SVIL: variants seen among roughly 807,000 people sequenced by gnomAD.
The protein encoded by SVIL is supervillin.
In SVIL, 101 loss-of-function variants were observed where a neutral mutation model predicts 240.4. The ratio of observed to expected loss-of-function variants is 0.42; its 90% CI spans 0.36 to 0.50. The LOEUF (loss-of-function observed/expected upper bound fraction) is 0.50, where lower values mean the gene tolerates loss of function less well. Ranked by LOEUF, SVIL falls within the 20% of genes least tolerant of loss-of-function variation. SVIL has a pLI of 0.01. For missense variants in SVIL, 2,512 were observed against 2,818.7 expected (o/e 0.89, Z 2.46); for synonymous variants, 999 against 1,100.0 (o/e 0.91, Z 1.82).
intron 1 of SVIL, among the ~76,000 whole-genome samples, chr10:29,594,407 C>T (rs762473198): frequency 5.3e-5 from 8 of 152,066 alleles, no homozygotes; most frequent in Admixed American, 3.9e-4. Flanking sequence ...CCTAATTAAA[C>T]TGTGGACTCT....
intron 21 of SVIL, among the ~76,000 whole-genome samples, chr10:29,492,870 G>A (rs1488055015): frequency 1.3e-5 from 2 of 152,210 alleles, no homozygotes; most frequent in Non-Finnish European, 2.9e-5. Flanking sequence ...AAAGACAGGC[G>A]TTGAACTCTC....
chr10:29,684,282 G>T (rs1477323979), intron 2 of SVIL, among the ~76,000 whole-genome samples: 1 of 152,144 alleles, frequency 6.6e-6, no homozygotes, highest in Non-Finnish European at 1.5e-5. Context: ...TTTTGCCAAG[G>T]TTATGGATCA....
At chr10:29,526,223 G>A (rs936375060) in intron 13 of SVIL, among the ~76,000 whole-genome samples, 10 of 151,478 alleles carry the variant, frequency 6.6e-5, no homozygotes, top group African/African-American at 1.9e-4. Flanking sequence ...ACAGGTGTTT[G>A]AAAAAGACTG....
At chr10:29,577,093 A>C (rs1458201064) in intron 1 of SVIL, among the ~76,000 whole-genome samples, 1 of 152,008 alleles carries the variant, frequency 6.6e-6, no homozygotes, top group Non-Finnish European at 1.5e-5. Context: ...GTTGACCAGG[A>C]GGGTCTCGAT....
chr10:29,615,447 G>GT lies in SVIL; in HGVS notation c.-201+18972dup, dbSNP rs749923719. Among the ~76,000 whole-genome samples the GT allele has an allele frequency of 2.6e-5, 4 of 152,326 alleles. No homozygotes were observed. In the East Asian group the frequency reaches 5.8e-4, roughly 22 times the overall value. ...TTCAATTTTGTTGGCAGTAACTTCT[G>GT]TGTTTAATTACTCATTGTGTTAAAA... On this transcript the variant is annotated intron_variant, in intron 1 of 37. Coordinates refer to ENST00000355867, the MANE Select transcript of SVIL (RefSeq NM_021738.3).
In SVIL at chr10:29,550,888, G is replaced by A. The variant is rs1411911697; in HGVS notation, c.536C>T (p.Ala179Val). ...GAGGGCATAGTCCTTGGATTCACCG[G>A]CACAGGTCCTGAGCCCCATCGTCTC... ...GTETMGLRTC[A>V]GESKDYALHV... The change falls in exon 6 of 38, where the codon GCC (alanine) becomes GTC (valine). Residue 179 changes from alanine (A) to valine (V), a missense_variant. This residue lies in a region of SVIL where 1,443 missense variants were observed against 1,486.6 expected (regional missense o/e 0.97). Coordinates refer to ENST00000355867, the MANE Select transcript of SVIL (RefSeq NM_021738.3). The A allele has an allele frequency of 6.2e-7, 1 of 1,614,044 alleles. No homozygotes were observed. Among genetic ancestry groups the A allele is most frequent in the Non-Finnish European group, 8.5e-7 (1 of 1,179,994 alleles).
At chr10:29,643,705 G>A (rs184822467) in intron 3 of SVIL, among the ~76,000 whole-genome samples, 85 of 152,108 alleles carry the variant, frequency 5.6e-4, no homozygotes, top group African/African-American at 1.8e-3. Context: ...GTCTGGTCTC[G>A]CTTTTTCTCA....
chr10:29,473,868 C>T lies in SVIL; in HGVS notation c.5499G>A (p.Thr1833=), dbSNP rs1588865960. 18 of 1,613,862 alleles carry T rather than the reference C, an allele frequency of 1.1e-5. No homozygotes were observed. The highest frequency in any genetic ancestry group is 6.7e-5 in the East Asian group (3 of 44,864). ...VSEKGTSALM[T]VELDEERGAQ... Reference sequence around the variant, plus strand: ...CCCCCCTTTCCTCGTCCAGCTCCACCGTCATCAGCGCCGACGTGCCCTTCT... The same window carrying T: ...CCCCCCTTTCCTCGTCCAGCTCCACTGTCATCAGCGCCGACGTGCCCTTCT... The change falls in exon 30 of 38, where the codon ACG becomes ACA. Residue 1833 remains threonine, a synonymous_variant. Transcript: ENST00000355867.
chr10:29,607,423 A>G (rs769802595), intron 1 of SVIL, among the ~76,000 whole-genome samples: 1 of 152,178 alleles, frequency 6.6e-6, no homozygotes, highest in Non-Finnish European at 1.5e-5. Context: ...TAAATTGAGA[A>G]TGTGTAAAAT....
chr10:29,458,199 A>G lies in SVIL; in HGVS notation c.*48T>C, dbSNP rs2132252486. 2 of 1,561,010 alleles carry G rather than the reference A, an allele frequency of 1.3e-6. No individual in the cohort carries two copies. The highest frequency in any genetic ancestry group is 8.8e-7 in the Non-Finnish European group (1 of 1,137,002). On this transcript the variant is annotated 3_prime_UTR_variant, in exon 38 of 38. Transcript: ENST00000355867. ...AAATATATATCCATTTCCCTGGTGCAGTGGTGTTGTTGGACGTGACCGTGA... is the reference window on the plus strand; with the variant it reads ...AAATATATATCCATTTCCCTGGTGCGGTGGTGTTGTTGGACGTGACCGTGA...
intron 1 of SVIL, among the ~76,000 whole-genome samples, chr10:29,705,651 C>A (rs115383493): frequency 0.01 from 1,593 of 152,200 alleles, 23 homozygotes; most frequent in African/African-American, 0.037. Flanking sequence ...CCGCAACCCC[C>A]GAAAGGCCCC....
At chr10:29,686,145 T>G (rs1961051553) in intron 2 of SVIL, among the ~76,000 whole-genome samples, 1 of 152,218 alleles carries the variant, frequency 6.6e-6, no homozygotes, top group Admixed American at 6.5e-5. Context: ...AAAAATAAAC[T>G]GATACTTTCA....
intron 1 of SVIL, among the ~76,000 whole-genome samples, chr10:29,691,277 T>C (rs185085359): frequency 0.015 from 2,282 of 151,672 alleles, 39 homozygotes; most frequent in East Asian, 0.094. Flanking sequence ...AGTGGTGCGA[T>C]CTCGGCTCAC....
chr10:29,558,946 TAA>T lies in SVIL; in HGVS notation c.-50-3840_-50-3839del, dbSNP rs1162392752. On this transcript the variant is annotated intron_variant, in intron 3 of 37. Transcript: ENST00000355867. The stretch of plus-strand genomic sequence containing the variant: ...CTGCCTCGAAATATATATATATATA[TAA>T]AAAATATGGTTTATATTATATATTT... Among the ~76,000 whole-genome samples the T allele has an allele frequency of 9.8e-3, 1,395 of 141,814 alleles. 27 individuals carry two copies. Among genetic ancestry groups the T allele is most frequent in the South Asian group, 0.057 (260 of 4,526 alleles). The allele number at this position is 141,814 out of a possible 152,430, so 93.0% of individuals were successfully genotyped here.
Position 29,484,935 on chromosome 10 carries a change from C to T in SVIL, c.4780-104G>A. 1 of 1,272,326 alleles carries T rather than the reference C, an allele frequency of 7.9e-7. No homozygotes were observed. Among genetic ancestry groups the T allele is most frequent in the African/African-American group, 1.5e-5 (1 of 65,928 alleles). The allele number at this position is 1,272,326 out of a possible 1,614,324, so 78.8% of individuals were successfully genotyped here. On this transcript the variant is annotated intron_variant, in intron 26 of 37. Coordinates refer to ENST00000355867, the MANE Select transcript of SVIL (RefSeq NM_021738.3). This position sits in a 1 kb window ranked among gnomAD's most constrained non-coding sequence, Gnocchi z 4.7. Reference sequence around the variant, plus strand: ...TGACAGTGAGTCAAACGGAGGAAGACAGAAATCCTAACGGGGCGACCAACA... The same window carrying T: ...TGACAGTGAGTCAAACGGAGGAAGATAGAAATCCTAACGGGGCGACCAACA...
chr10:29,661,277 A>G (rs1184682123), intron 2 of SVIL, among the ~76,000 whole-genome samples: 1 of 152,212 alleles, frequency 6.6e-6, no homozygotes, highest in Non-Finnish European at 1.5e-5. Context: ...TTCAGAATAT[A>G]TTGACAGGAA....
intron 1 of SVIL, among the ~76,000 whole-genome samples, chr10:29,618,132 G>A (rs981877902): frequency 4.6e-5 from 7 of 152,158 alleles, no homozygotes; most frequent in East Asian, 3.9e-4. Flanking sequence ...CTGGGGAGGC[G>A]GGCTAATCCT....
upstream of SVIL, among the ~76,000 whole-genome samples, chr10:29,635,939 G>A (rs1056109657): frequency 6.6e-6 from 1 of 152,146 alleles, no homozygotes; most frequent in Non-Finnish European, 1.5e-5. Context: ...AGCACAGGAG[G>A]CCTCTCAAAG....
chr10:29,517,132 C>T (rs1251817173), intron 16 of SVIL, among the ~76,000 whole-genome samples: 1 of 152,006 alleles, frequency 6.6e-6, no homozygotes, highest in Non-Finnish European at 1.5e-5. Flanking sequence ...AAAAGGAGGG[C>T]CAGGCGTGGT....
Sources: allele counts gnomAD v4.1 joint callset (sites outside exome capture counted in the v4.1 genomes callset), GRCh38; gene constraint gnomAD v4.1.1; regional missense constraint gnomAD v4.1.1; non-coding constraint Gnocchi (gnomAD v3.1); transcripts MANE v1.5; gene names NCBI Gene and HGNC (gene_info 2026-07-23, HGNC 2026-07-21).